Variants in ARPC2 observed in about 807,000 individuals in gnomAD.
ARPC2 encodes the protein actin related protein 2/3 complex subunit 2, also known as actin-related protein 2/3 complex subunit 2.
A neutral mutation model predicts 38.6 loss-of-function variants in ARPC2; 4 were observed. The ratio of observed to expected loss-of-function variants is 0.10; its 90% CI spans 0.05 to 0.24. ARPC2 has a LOEUF of 0.24. Ranked by LOEUF, ARPC2 falls within the 10% of genes least tolerant of loss-of-function variation. ARPC2 has a pLI of 1.00. For missense variants in ARPC2, 229 were observed against 387.3 expected (o/e 0.59, Z 3.43); for synonymous variants, 125 against 140.8 (o/e 0.89, Z 0.79).
rs112581848 is a variant in ARPC2 at position 218,234,124 on chromosome 2, G to A, written c.223-228G>A. 810 of 351,884 alleles carry A rather than the reference G, an allele frequency of 2.3e-3. 11 individuals carry two copies. The highest frequency in any genetic ancestry group is 0.016 in the African/African-American group (732 of 46,874). The allele number at this position is 351,884 out of a possible 1,614,324, so 21.8% of individuals were successfully genotyped here. On this transcript the variant is annotated intron_variant, in intron 4 of 10. Coordinates refer to ENST00000315717, the MANE Select transcript of ARPC2 (RefSeq NM_152862.3). Reference sequence around the variant, plus strand: ...GCGGAGGTTGTGGTGAGCCGAGATCGCGCCATTGCACTCTGTCCCAGGCAT... The same window carrying A: ...GCGGAGGTTGTGGTGAGCCGAGATCACGCCATTGCACTCTGTCCCAGGCAT...
rs762689283 is a variant in ARPC2, at chr2:218,227,045, C to T, written c.109+1091C>T. ...CCACCCTTTCTACAACAAGAGTCCT[C>T]GACAAGATGATCTTGGAAGACTTTT... On this transcript the variant is annotated intron_variant, in intron 3 of 10. Coordinates refer to ENST00000315717, the MANE Select transcript of ARPC2 (RefSeq NM_152862.3). 2.0e-5 allele frequency: 9 copies of T among 456,302 alleles called. No homozygotes were observed. In the Middle Eastern group the frequency reaches 1.9e-3, roughly 98 times the overall value. The allele number at this position is 456,302 out of a possible 1,614,324, so 28.3% of individuals were successfully genotyped here. A position where few individuals can be genotyped will look rare whatever the true frequency, so the allele number is the denominator to read the frequency against.
intron 2 of ARPC2, among the ~76,000 whole-genome samples, 200 bp from the exon 3 acceptor site, chr2:218,225,720 T>C (rs1458466226): frequency 6.7e-6 from 1 of 150,232 alleles, no homozygotes; most frequent in Non-Finnish European, 1.5e-5. Context: ...TTATCTGACC[T>C]TCCTTTTTTA....
intron 7 of ARPC2, among the ~76,000 whole-genome samples, chr2:218,242,634 C>G (rs145312337): frequency 2.6e-4 from 39 of 152,276 alleles, no homozygotes; most frequent in Non-Finnish European, 4.6e-4. Flanking sequence ...AGAGGAGTGC[C>G]TGTTTTCCCA....
At chr2:218,249,956 C>T (rs1690144201) in intron 10 of ARPC2, 35 bp downstream of exon 10, 2 of 1,530,470 alleles carry the variant, frequency 1.3e-6, no homozygotes, top group Middle Eastern at 1.7e-4. Flanking sequence ...CCACCTTCCT[C>T]TCCTGAGTCA....
At chr2:218,235,128 A>G (rs1008390897) in intron 5 of ARPC2, 20 of 301,216 alleles carry the variant, frequency 6.6e-5, no homozygotes, top group African/African-American at 3.8e-4. Flanking sequence ...CTAAGAAGGA[A>G]GTTCTCTGTC....
chr2:218,251,525 C>T (rs985847493), intron 10 of ARPC2, among the ~76,000 whole-genome samples: 3 of 151,722 alleles, frequency 2.0e-5, no homozygotes, highest in African/African-American at 7.3e-5. Flanking sequence ...ACTCTGTGAT[C>T]CCCAGCCAGG....
At chr2:218,249,541 C>A in intron 9 of ARPC2, 77 bp downstream of exon 9, 1 of 1,166,708 alleles carries the variant, frequency 8.6e-7, no homozygotes, top group Non-Finnish European at 1.2e-6. Context: ...GAAAGTCATT[C>A]CATTAGTCTA....
chr2:218,232,467 C>T (rs1689657882), intron 4 of ARPC2, among the ~76,000 whole-genome samples: 1 of 151,898 alleles, frequency 6.6e-6, no homozygotes. Context: ...AGCGTGGCAC[C>T]AGCATCTGGC....
chr2:218,228,941 C>T (rs1397749646), intron 4 of ARPC2, 91 bp downstream of exon 4: 7 of 786,558 alleles, frequency 8.9e-6, no homozygotes, highest in South Asian at 1.5e-5. Context: ...CACTAAATCA[C>T]CCCCACATGA....
intron 5 of ARPC2, among the ~76,000 whole-genome samples, chr2:218,238,372 T>C (rs1689822846): frequency 6.6e-6 from 1 of 152,208 alleles, no homozygotes; most frequent in Non-Finnish European, 1.5e-5. Context: ...TTGATACTGA[T>C]TCAAATTTTT....
intron 4 of ARPC2, 30 bp from the exon 5 acceptor site, chr2:218,234,322 A>G (rs760553527): frequency 6.5e-7 from 1 of 1,528,354 alleles, no homozygotes; most frequent in Non-Finnish European, 9.0e-7. Context: ...GGATTAACGT[A>G]TTTGGTTTTG....
At chr2:218,248,166 G>A (rs556533563) in intron 8 of ARPC2, among the ~76,000 whole-genome samples, 159 of 152,254 alleles carry the variant, frequency 1.0e-3, no homozygotes, top group African/African-American at 3.8e-3. Flanking sequence ...TTGGCAGCAT[G>A]TTTCTCTTGT....
intron 4 of ARPC2, among the ~76,000 whole-genome samples, chr2:218,231,651 C>G (rs530540252): frequency 6.6e-6 from 1 of 152,242 alleles, no homozygotes; most frequent in African/African-American, 2.4e-5. Context: ...AATTCCTCTT[C>G]GGTAAAAGAA....
intron 3 of ARPC2, 33 bp from the exon 4 acceptor site, chr2:218,228,705 A>C (rs771393344): frequency 1.5e-6 from 2 of 1,376,540 alleles, no homozygotes; most frequent in Non-Finnish European, 2.1e-6. Context: ...CCATTCCCAA[A>C]TTGTTACGCA....
intron 2 of ARPC2, among the ~76,000 whole-genome samples, chr2:218,222,340 GAA>G (rs1164223021): frequency 6.6e-6 from 1 of 152,116 alleles, no homozygotes; most frequent in African/African-American, 2.4e-5. Flanking sequence ...TTGTTAATGA[GAA>G]AAGAAGATGA....
chr2:218,234,763 C>T (rs763669733), intron 5 of ARPC2: 17 of 468,658 alleles, frequency 3.6e-5, no homozygotes, highest in Non-Finnish European at 6.8e-5. Flanking sequence ...ATTCTGCATA[C>T]TACATATTTG....
At chr2:218,227,865 T>G (rs1689539117) in intron 3 of ARPC2, among the ~76,000 whole-genome samples, 1 of 152,228 alleles carries the variant, frequency 6.6e-6, no homozygotes, top group African/African-American at 2.4e-5. Flanking sequence ...GTTAACAGGC[T>G]GGGTTAACAG....
intron 7 of ARPC2, among the ~76,000 whole-genome samples, chr2:218,240,023 C>T (rs929469194): frequency 1.4e-4 from 21 of 152,124 alleles, no homozygotes; most frequent in Non-Finnish European, 7.4e-5. Flanking sequence ...GGCACGAACT[C>T]AGCTCACTGC....
intron 2 of ARPC2, among the ~76,000 whole-genome samples, chr2:218,220,117 G>A (rs767543630): frequency 2.5e-4 from 38 of 152,338 alleles, no homozygotes; most frequent in Admixed American, 5.9e-4. Flanking sequence ...AGGTGCTAAG[G>A]GGTGAAAGGT....
Sources: allele counts gnomAD v4.1 joint callset (sites outside exome capture counted in the v4.1 genomes callset), GRCh38; gene constraint gnomAD v4.1.1; transcripts MANE v1.5; gene names NCBI Gene and HGNC (gene_info 2026-07-23, HGNC 2026-07-21).